The following NRG1 variants were observed in gnomAD, a reference collection of about 807,000 sequenced individuals.
NRG1 encodes the protein neuregulin 1.
A neutral mutation model predicts 63.8 loss-of-function variants in NRG1; 18 were observed. The observed-to-expected ratio is 0.28, with a 90% CI of 0.19 to 0.42. The LOEUF is 0.42. Ranked by LOEUF, NRG1 falls within the 10% of genes least tolerant of loss-of-function variation. The probability of loss-of-function intolerance (pLI) is 1.00; values close to 1 mark genes in which losing one functional copy is unlikely to be tolerated. For synonymous variants in NRG1, 302 were observed against 301.3 expected (o/e 1.00, Z -0.02); for missense variants, 762 against 814.7 (o/e 0.94, Z 0.79).
At chr8:32,536,030 G>C (rs1230343456) in intron 1 of NRG1, among the ~76,000 whole-genome samples, 1 of 152,134 alleles carries the variant, frequency 6.6e-6, no homozygotes, top group African/African-American at 2.4e-5. Flanking sequence ...TTTTATAACT[G>C]CAACATCGTA....
At chr8:32,491,493 T>C (rs1826551510) in intron 1 of NRG1, among the ~76,000 whole-genome samples, 1 of 152,158 alleles carries the variant, frequency 6.6e-6, no homozygotes, top group Admixed American at 6.5e-5. Flanking sequence ...GACTGGGAGT[T>C]TATGAGCAAA....
chr8:32,261,388 T>TGTGC (rs754036317), intron 1 of NRG1, among the ~76,000 whole-genome samples: 1 of 149,514 alleles, frequency 6.7e-6, no homozygotes, highest in African/African-American at 2.5e-5. Context: ...TGTGTGTGTG[T>TGTGC]GCTGGTGTGT....
chr8:32,205,281 C>T (rs1466103997), intron 1 of NRG1, among the ~76,000 whole-genome samples: 5 of 152,062 alleles, frequency 3.3e-5, no homozygotes, highest in Non-Finnish European at 4.4e-5. Context: ...GTGCCCAATA[C>T]GTGTTACTTA....
intron 1 of NRG1, among the ~76,000 whole-genome samples, chr8:31,987,522 T>C (rs1203972852): frequency 6.6e-6 from 1 of 151,896 alleles, no homozygotes; most frequent in Non-Finnish European, 1.5e-5. Flanking sequence ...TGTTCTCACT[T>C]ACAAGTGAGA....
intron 1 of NRG1, among the ~76,000 whole-genome samples, chr8:32,402,910 G>A (rs1489561913): frequency 6.6e-6 from 1 of 151,994 alleles, no homozygotes; most frequent in Non-Finnish European, 1.5e-5. Context: ...GGATAAGGGG[G>A]GATTACTCTA....
intron 1 of NRG1, among the ~76,000 whole-genome samples, chr8:31,735,348 T>A (rs1467003855): frequency 6.6e-6 from 1 of 152,184 alleles, no homozygotes. Context: ...ACACTTACTA[T>A]GCTAATTGCA....
intron 1 of NRG1, among the ~76,000 whole-genome samples, chr8:32,269,609 T>C (rs1851342296): frequency 6.6e-6 from 1 of 152,060 alleles, no homozygotes. Context: ...ACCAGGTACC[T>C]GGGAAGGGAG....
chr8:32,045,668 A>G (rs989085970), intron 1 of NRG1, among the ~76,000 whole-genome samples: 1 of 151,992 alleles, frequency 6.6e-6, no homozygotes. Context: ...AAATATGCCA[A>G]CTCATCTTTA....
At chr8:31,910,625 A>G (rs1345536071) in intron 1 of NRG1, among the ~76,000 whole-genome samples, 1 of 152,200 alleles carries the variant, frequency 6.6e-6, no homozygotes, top group African/African-American at 2.4e-5. Context: ...CATCCATTGT[A>G]TATAAAAGGC....
At chr8:32,762,206 A>C (rs1384082226) in intron 11 of NRG1, among the ~76,000 whole-genome samples, 1 of 152,094 alleles carries the variant, frequency 6.6e-6, no homozygotes, top group African/African-American at 2.4e-5. Context: ...CTGTTTTAAA[A>C]CTTTAGTCTT....
chr8:31,931,343 G>A (rs1834846725), intron 1 of NRG1, among the ~76,000 whole-genome samples: 1 of 152,110 alleles, frequency 6.6e-6, no homozygotes, highest in South Asian at 2.1e-4. Context: ...AAAAGGCTGA[G>A]AAAGCATGCC....
At chr8:32,636,184 G>A (rs57137366) in intron 5 of NRG1, among the ~76,000 whole-genome samples, 3,279 of 151,492 alleles carry the variant, frequency 0.022, 133 homozygotes, top group African/African-American at 0.076. Context: ...AAGTTAAGCC[G>A]TTCCTTTCTT....
intron 1 of NRG1, among the ~76,000 whole-genome samples, chr8:32,385,227 C>T (rs1023531840): frequency 6.6e-6 from 1 of 151,950 alleles, no homozygotes; most frequent in African/African-American, 2.4e-5. Flanking sequence ...AGGGTTTCAC[C>T]ATGTTAGCCA....
At chr8:32,655,344 T>C (rs892458579) in intron 5 of NRG1, among the ~76,000 whole-genome samples, 1 of 152,178 alleles carries the variant, frequency 6.6e-6, no homozygotes, top group Non-Finnish European at 1.5e-5. Context: ...ACCTCTTGCA[T>C]GCTGTGTGAC....
chr8:32,699,323 G>A (rs1589275759), intron 5 of NRG1, among the ~76,000 whole-genome samples: 1 of 152,210 alleles, frequency 6.6e-6, no homozygotes, highest in Admixed American at 6.5e-5. Context: ...GACGGTGATT[G>A]AGGGGCTTGG....
At chr8:32,387,494 TTG>T (rs1811169427) in intron 1 of NRG1, among the ~76,000 whole-genome samples, 1 of 152,124 alleles carries the variant, frequency 6.6e-6, no homozygotes, top group Admixed American at 6.6e-5. Context: ...GCTCTTTGGG[TTG>T]TGTTGCTGGT....
chr8:32,132,441 C>T (rs1278794446), intron 1 of NRG1, among the ~76,000 whole-genome samples: 1 of 152,020 alleles, frequency 6.6e-6, no homozygotes, highest in African/African-American at 2.4e-5. Context: ...AATGTGAATG[C>T]AGCAAGCCAG....
chr8:32,521,879 C>A (rs1347067905), intron 1 of NRG1, among the ~76,000 whole-genome samples: 1 of 152,226 alleles, frequency 6.6e-6, no homozygotes, highest in Non-Finnish European at 1.5e-5. Flanking sequence ...GTTCACCTCT[C>A]TCTTCCTGCT....
chr8:32,081,686 T>C (rs763050097), intron 1 of NRG1, among the ~76,000 whole-genome samples: 1 of 152,072 alleles, frequency 6.6e-6, no homozygotes, highest in Non-Finnish European at 1.5e-5. Context: ...CCAATAGATA[T>C]ATATTTACTA....
Sources: allele counts gnomAD v4.1 joint callset (sites outside exome capture counted in the v4.1 genomes callset), GRCh38; gene constraint gnomAD v4.1.1; transcripts MANE v1.5; gene names NCBI Gene and HGNC (gene_info 2026-07-23, HGNC 2026-07-21).